Variants in SPEN observed in about 807,000 individuals in gnomAD.
SPEN encodes the protein msx2-interacting protein.
SPEN carries 18 observed loss-of-function variants against 269.9 expected under a neutral mutation model. The observed-to-expected ratio is 0.07, with a 90% confidence interval of 0.05 to 0.10. The LOEUF is 0.10. Ranked by LOEUF, SPEN falls within the 10% of genes least tolerant of loss-of-function variation. SPEN has a pLI of 1.00. For missense variants in SPEN, 3,822 were observed against 4,631.2 expected, an observed-to-expected ratio of 0.83 and a Z score of 5.07; for synonymous variants, 1,726 against 1,765.7, an observed-to-expected ratio of 0.98 and a Z score of 0.56.
chr1:15,897,220 C>T (rs191421062), intron 3 of SPEN, among the ~76,000 whole-genome samples: 6 of 152,130 alleles, frequency 3.9e-5, no homozygotes, highest in East Asian at 3.9e-4. Flanking sequence ...GATGGAGTCT[C>T]GCTTTGTCGC....
chr1:15,847,892 T>C lies in SPEN; in HGVS notation c.-176T>C. 3.4e-6 allele frequency: 1 copy of C among 291,462 alleles called. No homozygotes were observed. The highest frequency in any genetic ancestry group is 5.3e-5 in the Admixed American group (1 of 18,928). The allele number at this position is 291,462 out of a possible 1,614,324, so 18.1% of individuals were successfully genotyped here. ...GCTGCGAGGCCCGAGAGTCAGAACC[T>C]GGGGGAGAGGGATGGTCTCTGCACG... On this transcript the variant is annotated 5_prime_UTR_variant, in exon 1 of 15. Coordinates refer to ENST00000375759, the MANE Select transcript of SPEN (RefSeq NM_015001.3).
At chr1:15,898,470 G>T (rs1208857174) in intron 3 of SPEN, among the ~76,000 whole-genome samples, 1 of 151,604 alleles carries the variant, frequency 6.6e-6, no homozygotes, top group Non-Finnish European at 1.5e-5. Context: ...AATCTTTTTT[G>T]GGTATGGCTG....
rs1410383647 is a variant in SPEN at position 15,928,417 on chromosome 1, A to G, written c.2177A>G (p.Gln726Arg). 3.1e-6 allele frequency: 5 copies of G among 1,614,018 alleles called. No homozygotes were observed. The highest frequency in any genetic ancestry group is 1.3e-5 in the African/African-American group (1 of 74,902). ...GAGAGGAGGCCGATTGAACGAAGTC[A>G]AAGTCCTGTTCACTTGCGACGTCCA... ...DHERRPIERS[Q>R]SPVHLRRPQS... is the part of the protein sequence containing the mutation. Residue 726 changes from glutamine to arginine, a missense_variant, in exon 11 of 15, where the codon CAA (glutamine) becomes CGA (arginine). Around this residue, in one of 16 missense-constraint regions of SPEN, gnomAD observed 572 missense variants for 582.6 expected, o/e 0.98. Transcript: ENST00000375759. This position sits in a 1 kb window ranked among gnomAD's most constrained non-coding sequence, Gnocchi z 5.7.
intron 8 of SPEN, 134 bp from the exon 9 acceptor site, chr1:15,920,736 T>C (rs1314777897): frequency 2.7e-6 from 1 of 375,976 alleles, no homozygotes; most frequent in Non-Finnish European, 4.7e-6. Context: ...ATCACACTTT[T>C]TTTTTTAATA....
rs2071295917 is a variant in SPEN at position 15,938,102 on chromosome 1, G to C, written c.10704+96G>C. Reference sequence around the variant, plus strand: ...CCCATCTCCCTGGCCTGTCATGGAAGCATTAACTGTATTCTTGTTGTTGTT... The same window carrying C: ...CCCATCTCCCTGGCCTGTCATGGAACCATTAACTGTATTCTTGTTGTTGTT... On this transcript the variant is annotated intron_variant, in intron 13 of 14. Transcript: ENST00000375759. 8 of 1,106,034 alleles carry C rather than the reference G, an allele frequency of 7.2e-6. No individual in the cohort carries two copies. The South Asian group carries it at 1.2e-4, about 17-fold the overall frequency. 68.5% of individuals were successfully genotyped at this position (1,106,034 alleles called of 1,614,324 possible). A position where few individuals can be genotyped will look rare whatever the true frequency, so the allele number is the denominator to read the frequency against.
At chr1:15,863,780 G>T (rs1334146803) in intron 1 of SPEN, among the ~76,000 whole-genome samples, 3 of 152,156 alleles carry the variant, frequency 2.0e-5, no homozygotes, top group East Asian at 3.9e-4. Flanking sequence ...GGTTGAGGCT[G>T]CAGTGAGCCA....
intron 5 of SPEN, among the ~76,000 whole-genome samples, chr1:15,914,651 C>T (rs1374852709): frequency 2.0e-5 from 3 of 152,054 alleles, no homozygotes; most frequent in Admixed American, 1.3e-4. Context: ...GGCGAAACCC[C>T]GTCTCTACTA....
rs376016578 is a variant in SPEN at position 15,928,562 on chromosome 1, T to C, written c.2322T>C (p.Tyr774=). 49 of 1,613,836 alleles carry C rather than the reference T, an allele frequency of 3.0e-5. No individual in the cohort carries two copies. The South Asian group carries it at 4.1e-4, about 13-fold the overall frequency. Residue 774 remains tyrosine (Y), a synonymous_variant, in exon 11 of 15, where the codon TAT becomes TAC. Transcript: ENST00000375759. This position sits in a 1 kb window ranked among gnomAD's most constrained non-coding sequence, Gnocchi z 5.7. ...GSCSSLSPPR[Y]EKLDKSRLER... is the part of the protein sequence containing the mutation. Reference sequence around the variant, plus strand: ...GTAGCTCACTCTCCCCTCCAAGATATGAGAAACTGGACAAGTCTCGTTTGG... The same window carrying C: ...GTAGCTCACTCTCCCCTCCAAGATACGAGAAACTGGACAAGTCTCGTTTGG...
chr1:15,937,892 C>T lies in SPEN; in HGVS notation c.10590C>T (p.Asn3530=), dbSNP rs771045120. ...AAVQLHFVSG[N]NVLAHRSLPL... ...TGCAGCTCCACTTCGTCTCTGGCAACAACGTCCTGGCCCATCGGTCCCTGC... is the reference window on the plus strand; with the variant it reads ...TGCAGCTCCACTTCGTCTCTGGCAATAACGTCCTGGCCCATCGGTCCCTGC... Residue 3530 remains asparagine, a synonymous_variant, in exon 13 of 15, where the codon AAC becomes AAT. Transcript: ENST00000375759. This position sits in a 1 kb window ranked among gnomAD's most constrained non-coding sequence, Gnocchi z 5.7. 6.2e-7 allele frequency: 1 copy of T among 1,614,210 alleles called. No individual in the cohort carries two copies. The highest frequency in any genetic ancestry group is 1.1e-5 in the South Asian group (1 of 91,090).
chr1:15,870,352 G>A (rs780794906), intron 1 of SPEN, among the ~76,000 whole-genome samples: 14 of 152,122 alleles, frequency 9.2e-5, no homozygotes, highest in South Asian at 4.1e-4. Flanking sequence ...CTTGACACTC[G>A]TCCTCATTTA....
chr1:15,937,626 A>T lies in SPEN; in HGVS notation c.10490A>T (p.Asp3497Val). 6.2e-7 allele frequency: 1 copy of T among 1,613,480 alleles called. No homozygotes were observed. Among genetic ancestry groups the T allele is most frequent in the Non-Finnish European group, 8.5e-7 (1 of 1,179,396 alleles). The stretch of plus-strand genomic sequence containing the variant: ...CACCTGACTTCCCAGAGACCCGTGG[A>T]TATGGTTCAACTTCTGAAGGTAAGC... Reference protein sequence around the residue: ...SPHLTSQRPVDMVQLLKKYPI... With the variant: ...SPHLTSQRPVVMVQLLKKYPI... Residue 3497 changes from aspartate to valine, a missense_variant, in exon 12 of 15, where the codon GAT (aspartate) becomes GTT (valine). Physicochemically the swap from Asp to Val is radical, Grantham distance 152 (BLOSUM62 -3). Coordinates refer to ENST00000375759, the MANE Select transcript of SPEN (RefSeq NM_015001.3). This position sits in a 1 kb window ranked among gnomAD's most constrained non-coding sequence, Gnocchi z 5.7.
chr1:15,892,081 C>T (rs375565476), intron 3 of SPEN, among the ~76,000 whole-genome samples: 1 of 125,648 alleles, frequency 8.0e-6, no homozygotes. Context: ...AGTGCAGTGG[C>T]GTAATCTTGG....
At chr1:15,874,106 G>A (rs2070608427) in intron 2 of SPEN, 1 of 1,358,982 alleles carries the variant, frequency 7.4e-7, no homozygotes, top group African/African-American at 1.5e-5. Context: ...CTTAGGGCTG[G>A]AAATATTTAT....
chr1:15,872,917 C>T lies in SPEN; in HGVS notation c.185C>T (p.Ala62Val). ...DFVDIKSAQKAHNSVNKMGDR... is the reference protein window; with the variant it reads ...DFVDIKSAQKVHNSVNKMGDR... ...GTGGACATCAAAAGTGCACAGAAAG[C>T]TCACAACTCGGTCAACAAAATGGGT... The change falls in exon 2 of 15, where the codon GCT (alanine) becomes GTT (valine). Residue 62 changes from alanine to valine, a missense_variant. Transcript: ENST00000375759. 6.2e-7 allele frequency: 1 copy of T among 1,603,492 alleles called. No individual in the cohort carries two copies. Among genetic ancestry groups the T allele is most frequent in the Non-Finnish European group, 8.5e-7 (1 of 1,171,354 alleles).
intron 11 of SPEN, 95 bp downstream of exon 11, chr1:15,936,361 C>T: frequency 7.0e-7 from 1 of 1,427,176 alleles, no homozygotes; most frequent in Non-Finnish European, 9.2e-7. Flanking sequence ...AAATCAGGGG[C>T]CAGGTGTGGT....
chr1:15,848,313 T>C lies in SPEN; in HGVS notation c.83+163T>C, dbSNP rs2148698430. On this transcript the variant is annotated intron_variant, in intron 1 of 14. Transcript: ENST00000375759. The surrounding 1 kb of genome is among the most constrained non-coding windows in gnomAD (Gnocchi z 5.1). ...CAGCCGCTCGGCCCGCGTCGCGGCGTTGGGCCTCGGGTGTCGGCGGTGCGG... is the reference window on the plus strand; with the variant it reads ...CAGCCGCTCGGCCCGCGTCGCGGCGCTGGGCCTCGGGTGTCGGCGGTGCGG... 6.6e-6 allele frequency among the ~76,000 whole-genome samples: 1 copy of C among 151,080 alleles called. No individual in the cohort carries two copies. The highest frequency in any genetic ancestry group is 2.0e-4 in the East Asian group (1 of 5,120).
At chr1:15,927,902 GC>G (rs1275611631) in intron 10 of SPEN, among the ~76,000 whole-genome samples, 188 bp from the exon 11 acceptor site, 1 of 152,102 alleles carries the variant, frequency 6.6e-6, no homozygotes, top group East Asian at 1.9e-4. Context: ...TCTCAATTTA[GC>G]TAGATTTCAA....
rs941061063 is a variant in SPEN at position 15,932,681 on chromosome 1, A to G, written c.6441A>G (p.Glu2147=). 6.8e-6 allele frequency: 11 copies of G among 1,614,132 alleles called. No individual in the cohort carries two copies. Among genetic ancestry groups the G allele is most frequent in the Non-Finnish European group, 9.3e-6 (11 of 1,180,028 alleles). The change falls in exon 11 of 15, where the codon GAA becomes GAG. Residue 2147 remains glutamate, a synonymous_variant. Transcript: ENST00000375759. This position sits in a 1 kb window ranked among gnomAD's most constrained non-coding sequence, Gnocchi z 4.2. ...LKSDPVDPDK[E]PEKEDVSASG... is the part of the protein sequence containing the mutation. ...GTGATCCAGTTGATCCAGACAAGGAACCAGAGAAAGAAGACGTGTCTGCCT... is the reference window on the plus strand; with the variant it reads ...GTGATCCAGTTGATCCAGACAAGGAGCCAGAGAAAGAAGACGTGTCTGCCT...
At chr1:15,853,439 A>G (rs2070355655) in intron 1 of SPEN, among the ~76,000 whole-genome samples, 1 of 151,026 alleles carries the variant, frequency 6.6e-6, no homozygotes, top group Non-Finnish European at 1.5e-5. Flanking sequence ...CACCTGCCTT[A>G]GCCTCCCAAA....
Sources: allele counts gnomAD v4.1 joint callset (sites outside exome capture counted in the v4.1 genomes callset), GRCh38; gene constraint gnomAD v4.1.1; regional missense constraint gnomAD v4.1.1; non-coding constraint Gnocchi (gnomAD v3.1); transcripts MANE v1.5; gene names NCBI Gene and HGNC (gene_info 2026-07-23, HGNC 2026-07-21).